ZNF385B: variants seen among roughly 807,000 people sequenced by gnomAD.
The protein encoded by ZNF385B is zinc finger protein 533.
Under a neutral mutation model 39.2 loss-of-function variants are expected in ZNF385B, and 23 were observed. That is an observed-to-expected ratio of 0.59 (90% CI 0.42 to 0.83). The LOEUF is 0.83. Ranked by LOEUF, ZNF385B falls within the 40% of genes least tolerant of loss-of-function variation. ZNF385B has a pLI of 0.00. For missense variants in ZNF385B, 552 were observed against 598.9 expected (o/e 0.92, Z 0.82); for synonymous variants, 205 against 222.6 (o/e 0.92, Z 0.70).
At chr2:179,634,093 A>G (rs866173581) in intron 3 of ZNF385B, among the ~76,000 whole-genome samples, 1 of 152,302 alleles carries the variant, frequency 6.6e-6, no homozygotes. Context: ...TAGACCTAAA[A>G]CCATAAAAAA....
intron 3 of ZNF385B, among the ~76,000 whole-genome samples, chr2:179,713,413 G>A (rs939332381): frequency 2.6e-5 from 4 of 151,992 alleles, no homozygotes; most frequent in African/African-American, 7.3e-5. Flanking sequence ...CTTAGAATGC[G>A]TATTTCTTTT....
At chr2:179,673,782 T>C (rs542818123) in intron 3 of ZNF385B, among the ~76,000 whole-genome samples, 1 of 151,352 alleles carries the variant, frequency 6.6e-6, no homozygotes, top group Non-Finnish European at 1.5e-5. Context: ...ACAATACTCA[T>C]ATTCTAGTTT....
intron 1 of ZNF385B, among the ~76,000 whole-genome samples, chr2:179,827,616 C>G (rs763657828): frequency 6.6e-5 from 10 of 152,106 alleles, no homozygotes; most frequent in Non-Finnish European, 1.3e-4. Flanking sequence ...TCACATATCT[C>G]TTACAACCAG....
chr2:179,719,530 G>C (rs193103062), intron 3 of ZNF385B, among the ~76,000 whole-genome samples: 37 of 152,308 alleles, frequency 2.4e-4, no homozygotes, highest in Non-Finnish European at 4.1e-4. Context: ...TTCAAGAAGG[G>C]AAAACCAAAG....
At chr2:179,470,096 C>A (rs956847094) in intron 6 of ZNF385B, among the ~76,000 whole-genome samples, 8 of 152,310 alleles carry the variant, frequency 5.3e-5, no homozygotes, top group African/African-American at 1.7e-4. Flanking sequence ...TTCCCTACCC[C>A]ACCGCAGGCC....
chr2:179,612,237 T>G (rs1689348748), intron 3 of ZNF385B, among the ~76,000 whole-genome samples: 1 of 152,206 alleles, frequency 6.6e-6, no homozygotes, highest in Admixed American at 6.5e-5. Context: ...TTATTTAGTT[T>G]GTTTGGTGAG....
intron 3 of ZNF385B, among the ~76,000 whole-genome samples, chr2:179,694,956 A>AGAGGAGGAGGAGGAGGAGGAG (rs71994313): frequency 6.7e-6 from 1 of 148,590 alleles, no homozygotes; most frequent in Non-Finnish European, 1.5e-5. Flanking sequence ...AAAAGAAAGA[A>AGAGGAGGAGGAGGAGGAGGAG]GAGGAGGAGG....
chr2:179,636,269 C>T (rs984157457), intron 3 of ZNF385B, among the ~76,000 whole-genome samples: 6 of 152,146 alleles, frequency 3.9e-5, no homozygotes, highest in Admixed American at 1.3e-4. Context: ...ACAACATAGC[C>T]ACTGTCCTTG....
intron 6 of ZNF385B, among the ~76,000 whole-genome samples, chr2:179,475,883 G>A (rs1234162169): frequency 6.6e-6 from 1 of 150,778 alleles, no homozygotes; most frequent in African/African-American, 2.4e-5. Context: ...TGGACATGGT[G>A]GGGCACACTT....
At chr2:179,691,867 AATT>A (rs1268744431) in intron 3 of ZNF385B, among the ~76,000 whole-genome samples, 1 of 152,104 alleles carries the variant, frequency 6.6e-6, no homozygotes, top group African/African-American at 2.4e-5. Flanking sequence ...ATATTTTTAA[AATT>A]ATTATGAATA....
At chr2:179,642,112 G>GA (rs1363497725) in intron 3 of ZNF385B, among the ~76,000 whole-genome samples, 1 of 151,884 alleles carries the variant, frequency 6.6e-6, no homozygotes, top group Non-Finnish European at 1.5e-5. Flanking sequence ...TGGTCTGAAA[G>GA]AAAAAAATGT....
At chr2:179,841,835 T>C (rs1016761835) in intron 1 of ZNF385B, among the ~76,000 whole-genome samples, 5 of 152,216 alleles carry the variant, frequency 3.3e-5, no homozygotes, top group Admixed American at 1.3e-4. Context: ...ACTTGGATGA[T>C]GTCCTAGAAC....
At chr2:179,580,594 T>G (rs1686383720) in intron 3 of ZNF385B, among the ~76,000 whole-genome samples, 1 of 152,188 alleles carries the variant, frequency 6.6e-6, no homozygotes, top group African/African-American at 2.4e-5. Context: ...CCTAATCTAA[T>G]AGGGCTAGTT....
intron 1 of ZNF385B, among the ~76,000 whole-genome samples, chr2:179,772,048 G>A (rs767205109): frequency 2.0e-5 from 3 of 151,982 alleles, no homozygotes; most frequent in Non-Finnish European, 4.4e-5. Flanking sequence ...ATTAACACAC[G>A]GTATTTCATA....
At chr2:179,462,847 T>C (rs910684378) in intron 6 of ZNF385B, among the ~76,000 whole-genome samples, 1 of 152,170 alleles carries the variant, frequency 6.6e-6, no homozygotes, top group Non-Finnish European at 1.5e-5. Flanking sequence ...TGAAAGGTTA[T>C]GTGCATAAAG....
chr2:179,552,056 A>C (rs907292172), intron 3 of ZNF385B, among the ~76,000 whole-genome samples: 1 of 149,560 alleles, frequency 6.7e-6, no homozygotes, highest in Non-Finnish European at 1.5e-5. Context: ...ATATGATCAT[A>C]AGAAAACTAT....
At chr2:179,469,176 A>C (rs1385447542) in intron 6 of ZNF385B, among the ~76,000 whole-genome samples, 1 of 152,132 alleles carries the variant, frequency 6.6e-6, no homozygotes, top group Non-Finnish European at 1.5e-5. Flanking sequence ...ACTTGCTTTC[A>C]CTTTTTTCTA....
At chr2:179,550,709 A>G (rs1259686800) in intron 3 of ZNF385B, among the ~76,000 whole-genome samples, 2 of 149,340 alleles carry the variant, frequency 1.3e-5, no homozygotes, top group Non-Finnish European at 1.5e-5. Flanking sequence ...TGTTTTTGCA[A>G]ATGGTAAATA....
intron 3 of ZNF385B, among the ~76,000 whole-genome samples, chr2:179,621,975 G>C (rs1330172396): frequency 6.6e-6 from 1 of 152,112 alleles, no homozygotes; most frequent in African/African-American, 2.4e-5. Flanking sequence ...ATACAAGGGA[G>C]ACACTGAAGT....
Sources: allele counts gnomAD v4.1 joint callset (sites outside exome capture counted in the v4.1 genomes callset), GRCh38; gene constraint gnomAD v4.1.1; transcripts MANE v1.5; gene names NCBI Gene and HGNC (gene_info 2026-07-23, HGNC 2026-07-21).